Variants in ADAMTS3 observed in about 807,000 individuals in gnomAD.
ADAMTS3 encodes ADAM metallopeptidase with thrombospondin type 1 motif 3.
ADAMTS3 carries 73 observed loss-of-function variants against 129.0 expected under a neutral mutation model. The ratio of observed to expected loss-of-function variants is 0.57; its 90% CI spans 0.47 to 0.69. The LOEUF (loss-of-function observed/expected upper bound fraction) is 0.69, where lower values mean the gene tolerates loss of function less well. Among genes scored for constraint, ADAMTS3 ranks in the 30% least tolerant of loss-of-function variants. The probability of loss-of-function intolerance (pLI) is 0.00; values close to 1 mark genes in which losing one functional copy is unlikely to be tolerated. For synonymous variants in ADAMTS3, 477 were observed against 510.8 expected (o/e 0.93, Z 0.89); for missense variants, 1,457 against 1,514.5 (o/e 0.96, Z 0.63).
At chr4:72,421,606 C>T (rs545888310) in intron 3 of ADAMTS3, among the ~76,000 whole-genome samples, 3 of 152,186 alleles carry the variant, frequency 2.0e-5, no homozygotes, top group East Asian at 1.9e-4. Context: ...GTGAAGAAGA[C>T]GCAGAGAATG....
At chr4:72,384,497 G>A (rs184524986) in intron 4 of ADAMTS3, among the ~76,000 whole-genome samples, 18 of 152,172 alleles carry the variant, frequency 1.2e-4, no homozygotes, top group African/African-American at 4.1e-4. Flanking sequence ...AAGGCCAGAA[G>A]ACAGTAGAAA....
chr4:72,541,232 T>A (rs533757613), intron 3 of ADAMTS3, among the ~76,000 whole-genome samples: 10 of 152,302 alleles, frequency 6.6e-5, no homozygotes, highest in Middle Eastern at 3.4e-3. Flanking sequence ...GCTTTAAAAT[T>A]TGACTGCCCT....
chr4:72,417,944 A>AAAAAAAAAAAAAAAAAAG (rs1722350357), intron 3 of ADAMTS3, among the ~76,000 whole-genome samples: 2 of 150,266 alleles, frequency 1.3e-5, no homozygotes, highest in African/African-American at 4.9e-5. Context: ...AAAAAAAAAA[A>AAAAAAAAAAAAAAAAAAG]GTAAGTACTT....
intron 3 of ADAMTS3, among the ~76,000 whole-genome samples, chr4:72,450,982 A>AAGAGAAGAG (rs1718387288): frequency 1.6e-5 from 1 of 64,484 alleles, no homozygotes; most frequent in Admixed American, 1.2e-4. Context: ...AAGAGAAGAG[A>AAGAGAAGAG]AGAGAAGAGA....
chr4:72,519,910 C>A (rs941069163), intron 3 of ADAMTS3, among the ~76,000 whole-genome samples: 7 of 152,194 alleles, frequency 4.6e-5, no homozygotes, highest in Non-Finnish European at 1.0e-4. Context: ...GGAGGAGAGG[C>A]ACTCTGCTTT....
At chr4:72,526,124 CCTTCCCTGGCCT>C (rs932042369) in intron 3 of ADAMTS3, among the ~76,000 whole-genome samples, 1 of 152,160 alleles carries the variant, frequency 6.6e-6, no homozygotes, top group Non-Finnish European at 1.5e-5. Context: ...TTCACTAACC[CCTTCCCTGGCCT>C]CTTCCCTGGC....
At chr4:72,568,365 GA>G (rs1722075297) in intron 1 of ADAMTS3, among the ~76,000 whole-genome samples, 2 of 152,282 alleles carry the variant, frequency 1.3e-5, no homozygotes, top group Admixed American at 1.3e-4. Flanking sequence ...CCGCCCTCCA[GA>G]AAGGGGAAGC....
chr4:72,521,408 A>C (rs1447980938), intron 3 of ADAMTS3, among the ~76,000 whole-genome samples: 1 of 152,146 alleles, frequency 6.6e-6, no homozygotes, highest in Non-Finnish European at 1.5e-5. Context: ...ATCCCTTAAA[A>C]ATATTAATAT....
intron 3 of ADAMTS3, among the ~76,000 whole-genome samples, chr4:72,529,588 G>C (rs544897254): frequency 3.8e-4 from 54 of 143,116 alleles, no homozygotes; most frequent in Non-Finnish European, 6.0e-4. Context: ...CATATATCAA[G>C]ATGCTGTACA....
At chr4:72,392,839 G>T (rs1265260614) in intron 4 of ADAMTS3, among the ~76,000 whole-genome samples, 1 of 151,850 alleles carries the variant, frequency 6.6e-6, no homozygotes, top group African/African-American at 2.4e-5. Flanking sequence ...AGTTTTAGGA[G>T]GAACTAGAAA....
chr4:72,413,431 A>G (rs942966648), intron 4 of ADAMTS3, among the ~76,000 whole-genome samples: 9 of 152,032 alleles, frequency 5.9e-5, no homozygotes, highest in East Asian at 1.9e-4. Context: ...CCTTAACATA[A>G]CCAGTCTTCT....
chr4:72,520,703 T>C (rs1164850239), intron 3 of ADAMTS3, among the ~76,000 whole-genome samples: 2 of 152,156 alleles, frequency 1.3e-5, no homozygotes, highest in African/African-American at 4.8e-5. Context: ...AAAAGCACAG[T>C]ATTCGGGTGG....
intron 4 of ADAMTS3, among the ~76,000 whole-genome samples, chr4:72,374,875 T>C (rs2109871491): frequency 6.6e-6 from 1 of 152,324 alleles, no homozygotes; most frequent in East Asian, 1.9e-4. Flanking sequence ...GCTCTTGATA[T>C]AAGCAACTAC....
intron 6 of ADAMTS3, among the ~76,000 whole-genome samples, chr4:72,321,347 T>G (rs1210607569): frequency 6.6e-6 from 1 of 151,456 alleles, no homozygotes; most frequent in Non-Finnish European, 1.5e-5. Flanking sequence ...TTTTTTTTGT[T>G]TTTTTTTGTA....
At chr4:72,459,743 T>G (rs1578700319) in intron 3 of ADAMTS3, among the ~76,000 whole-genome samples, 2 of 151,556 alleles carry the variant, frequency 1.3e-5, no homozygotes, top group Admixed American at 6.6e-5. Context: ...AAGTATCCCT[T>G]ATCTGAAATG....
chr4:72,292,194 C>T (rs578108209), intron 19 of ADAMTS3, among the ~76,000 whole-genome samples: 1 of 152,332 alleles, frequency 6.6e-6, no homozygotes, highest in African/African-American at 2.4e-5. Flanking sequence ...GTTTCCTTCT[C>T]TCTTGGTCAT....
chr4:72,464,705 T>A (rs1718871862), intron 3 of ADAMTS3, among the ~76,000 whole-genome samples: 1 of 152,056 alleles, frequency 6.6e-6, no homozygotes, highest in Non-Finnish European at 1.5e-5. Context: ...AACTACATCC[T>A]GAAAGTTTGC....
chr4:72,466,642 C>T (rs974377452), intron 3 of ADAMTS3, among the ~76,000 whole-genome samples: 1 of 152,030 alleles, frequency 6.6e-6, no homozygotes, highest in Admixed American at 6.6e-5. Context: ...TTCCCTGCCT[C>T]CCTGTGGCTG....
chr4:72,423,620 A>G (rs1319694218), intron 3 of ADAMTS3, among the ~76,000 whole-genome samples: 1 of 151,974 alleles, frequency 6.6e-6, no homozygotes, highest in Non-Finnish European at 1.5e-5. Flanking sequence ...AGTTTGTTAC[A>G]TATGTATACA....
Sources: gnomAD v4.1 joint callset for allele counts (sites outside exome capture counted in the v4.1 genomes callset) on GRCh38, gnomAD v4.1.1 for gene constraint, MANE v1.5 for transcripts, NCBI Gene and HGNC (gene_info 2026-07-23, HGNC 2026-07-21) for gene names.